Variants in PEX3 observed in about 807,000 individuals in gnomAD.
PEX3 encodes the protein peroxin-3.
Under a neutral mutation model 55.8 loss-of-function variants are expected in PEX3, and 30 were observed. That is an observed-to-expected ratio of 0.54 (90% CI 0.40 to 0.73). PEX3 has a LOEUF of 0.73. Ranked by LOEUF, PEX3 falls within the 30% of genes least tolerant of loss-of-function variation. The pLI is 0.00. For missense variants in PEX3, 351 were observed against 432.8 expected (o/e 0.81, Z 1.68); for synonymous variants, 135 against 148.4 (o/e 0.91, Z 0.66).
rs73780419 is a variant in PEX3, at chr6:143,485,373, T to G, written c.1038+125T>G. The G allele has an allele frequency of 6.3e-4, 449 of 713,234 alleles. 2 individuals carry two copies. Among genetic ancestry groups the G allele is most frequent in the African/African-American group, 6.3e-3 (361 of 57,620 alleles). The allele number at this position is 713,234 out of a possible 1,614,324, so 44.2% of individuals were successfully genotyped here. ...TTCAAAAAATCACAGAACTTGGAACTACATGTAGAGTATGGTAGAGTGTCC... is the reference window on the plus strand; with the variant it reads ...TTCAAAAAATCACAGAACTTGGAACGACATGTAGAGTATGGTAGAGTGTCC... On this transcript the variant is annotated intron_variant, in intron 11 of 11. Coordinates refer to ENST00000367591, the MANE Select transcript of PEX3 (RefSeq NM_003630.3). This position sits in a 1 kb window ranked among gnomAD's most constrained non-coding sequence, Gnocchi z 5.6.
chr6:143,479,313 T>C lies in PEX3; in HGVS notation c.941+115T>C. On this transcript the variant is annotated intron_variant, in intron 10 of 11. Coordinates refer to ENST00000367591, the MANE Select transcript of PEX3 (RefSeq NM_003630.3). This position sits in a 1 kb window ranked among gnomAD's most constrained non-coding sequence, Gnocchi z 4.6. ...CCTATTAAATTTGAGTGCCTCATTTTTTAACAAATTAAACTCTGTTAAACC... is the reference window on the plus strand; with the variant it reads ...CCTATTAAATTTGAGTGCCTCATTTCTTAACAAATTAAACTCTGTTAAACC... The C allele has an allele frequency of 1.3e-6, 1 of 783,062 alleles. No individual in the cohort carries two copies. Among genetic ancestry groups the C allele is most frequent in the African/African-American group, 1.7e-5 (1 of 58,130 alleles). The allele number at this position is 783,062 out of a possible 1,614,324, so 48.5% of individuals were successfully genotyped here.
intron 4 of PEX3, among the ~76,000 whole-genome samples, chr6:143,469,179 A>T (rs557840672): frequency 2.0e-5 from 3 of 152,192 alleles, no homozygotes; most frequent in South Asian, 2.1e-4. Flanking sequence ...ATAATCCTTT[A>T]GGTATATACC....
rs1021277352 is a variant in PEX3 at position 143,454,608 on chromosome 6, C to T, written c.73+3493C>T. Among the ~76,000 whole-genome samples the T allele has an allele frequency of 5.9e-5, 9 of 152,140 alleles. No homozygotes were observed. The highest frequency in any genetic ancestry group is 2.2e-4 in the African/African-American group (9 of 41,406). On this transcript the variant is annotated intron_variant, in intron 1 of 11. Coordinates refer to ENST00000367591, the MANE Select transcript of PEX3 (RefSeq NM_003630.3). The surrounding 1 kb of genome is among the most constrained non-coding windows in gnomAD (Gnocchi z 4.3). Reference sequence around the variant, plus strand: ...GAAATACAAAGGAATAAGACAGATCCTGACTTTGAACTCATGGTACAGAAA... The same window carrying T: ...GAAATACAAAGGAATAAGACAGATCTTGACTTTGAACTCATGGTACAGAAA...
rs185139198 is a variant in PEX3, at chr6:143,464,076, T to C, written c.287+1079T>C. ...AGACCTTCCTTCCTTCTTACAGATA[T>C]AAGGTTTAGCTTATAAATTAGTTCA... On this transcript the variant is annotated intron_variant, in intron 3 of 11. Coordinates refer to ENST00000367591, the MANE Select transcript of PEX3 (RefSeq NM_003630.3). The surrounding 1 kb of genome is among the most constrained non-coding windows in gnomAD (Gnocchi z 5.8). 1.2e-3 allele frequency among the ~76,000 whole-genome samples: 185 copies of C among 152,216 alleles called. No homozygotes were observed. Among genetic ancestry groups the C allele is most frequent in the African/African-American group, 4.3e-3 (178 of 41,562 alleles).
intron 9 of PEX3, among the ~76,000 whole-genome samples, chr6:143,478,024 A>G (rs1562656571): frequency 6.6e-6 from 1 of 152,190 alleles, no homozygotes; most frequent in Non-Finnish European, 1.5e-5. Context: ...GAAACAGTCC[A>G]GATTTCTATT....
Position 143,451,005 on chromosome 6 carries a change from C to A in PEX3, c.-38C>A. The A allele has an allele frequency of 6.9e-7, 1 of 1,448,836 alleles. No individual in the cohort carries two copies. The highest frequency in any genetic ancestry group is 9.7e-7 in the Non-Finnish European group (1 of 1,029,226). 89.7% of individuals were successfully genotyped at this position (1,448,836 alleles called of 1,614,324 possible). On this transcript the variant is annotated 5_prime_UTR_variant, in exon 1 of 12. Coordinates refer to ENST00000367591, the MANE Select transcript of PEX3 (RefSeq NM_003630.3). The surrounding 1 kb of genome is among the most constrained non-coding windows in gnomAD (Gnocchi z 4.1). Reference sequence around the variant, plus strand: ...GAAACAGTTTCCTGGTGAAGCAGTCCCTCACCCCTAGTCAGCCCACACCCC... The same window carrying A: ...GAAACAGTTTCCTGGTGAAGCAGTCACTCACCCCTAGTCAGCCCACACCCC...
rs1780001483 is a variant in PEX3 at position 143,466,991 on chromosome 6, A to G, written c.288-1131A>G. Among the ~76,000 whole-genome samples, 1 of 152,028 alleles carries G rather than the reference A, an allele frequency of 6.6e-6. No individual in the cohort carries two copies. The highest frequency in any genetic ancestry group is 1.5e-5 in the Non-Finnish European group (1 of 67,924). On this transcript the variant is annotated intron_variant, in intron 3 of 11. Transcript: ENST00000367591. The surrounding 1 kb of genome is among the most constrained non-coding windows in gnomAD (Gnocchi z 5.4). ...AATGTCCAAAAATATATAGTACCATAAATCAAATTAACCTAAATATGATTC... is the reference window on the plus strand; with the variant it reads ...AATGTCCAAAAATATATAGTACCATGAATCAAATTAACCTAAATATGATTC...
At chr6:143,469,628 C>T (rs1780043073) in intron 4 of PEX3, among the ~76,000 whole-genome samples, 1 of 152,018 alleles carries the variant, frequency 6.6e-6, no homozygotes, top group Non-Finnish European at 1.5e-5. Context: ...CTGTAGGTTG[C>T]CTGTTCACTC....
intron 1 of PEX3, among the ~76,000 whole-genome samples, chr6:143,457,894 T>G (rs1183611820): frequency 2.6e-5 from 4 of 152,220 alleles, no homozygotes; most frequent in Non-Finnish European, 4.4e-5. Flanking sequence ...GGCTACCTGG[T>G]TAACTCAGTT....
Position 143,485,064 on chromosome 6 carries a change from C to A in PEX3, c.942-88C>A. The A allele has an allele frequency of 1.3e-6, 1 of 782,756 alleles. No individual in the cohort carries two copies. The allele number at this position is 782,756 out of a possible 1,614,324, so 48.5% of individuals were successfully genotyped here. A position where few individuals can be genotyped will look rare whatever the true frequency, so the allele number is the denominator to read the frequency against. ...TTAATAGATTTCCAAAAATATTCTA[C>A]AATGGCTATGTATTACTTTTATAAT... is the stretch of plus-strand genomic sequence containing the variant. On this transcript the variant is annotated intron_variant, in intron 10 of 11. Transcript: ENST00000367591. The surrounding 1 kb of genome is among the most constrained non-coding windows in gnomAD (Gnocchi z 5.6).
At chr6:143,474,986 C>T (rs980503495) in intron 9 of PEX3, 130 bp downstream of exon 9, 3 of 551,772 alleles carry the variant, frequency 5.4e-6, no homozygotes, top group African/African-American at 3.8e-5. Context: ...ACTCTGTTCC[C>T]CAGCCTTTAG....
intron 1 of PEX3, among the ~76,000 whole-genome samples, chr6:143,456,522 A>G (rs1307545014): frequency 6.6e-6 from 1 of 152,186 alleles, no homozygotes; most frequent in Non-Finnish European, 1.5e-5. Flanking sequence ...ACAATCCTGA[A>G]ATTTAGAAGT....
rs2128745777 is a variant in PEX3, at chr6:143,462,199, G to A, written c.206-717G>A. On this transcript the variant is annotated intron_variant, in intron 2 of 11. Coordinates refer to ENST00000367591, the MANE Select transcript of PEX3 (RefSeq NM_003630.3). This position sits in a 1 kb window ranked among gnomAD's most constrained non-coding sequence, Gnocchi z 4.1. ...CATTTCATCTTCACATTATTCCTGG[G>A]AGTAAGAAACAATAACAAACAACAG... is the stretch of plus-strand genomic sequence containing the variant. Among the ~76,000 whole-genome samples, 1 of 152,100 alleles carries A rather than the reference G, an allele frequency of 6.6e-6. No homozygotes were observed. The highest frequency in any genetic ancestry group is 1.9e-4 in the East Asian group (1 of 5,174).
chr6:143,470,314 C>A (rs1482641359), intron 4 of PEX3, among the ~76,000 whole-genome samples: 1 of 152,148 alleles, frequency 6.6e-6, no homozygotes, highest in East Asian at 1.9e-4. Context: ...CTCCCTCACG[C>A]TTTGATGTAC....
chr6:143,469,480 A>G (rs1472585178), intron 4 of PEX3, among the ~76,000 whole-genome samples: 3 of 152,186 alleles, frequency 2.0e-5, no homozygotes, highest in African/African-American at 7.2e-5. Flanking sequence ...TCTGCTTTTG[A>G]GAAGTGTCTG....
At chr6:143,468,832 A>C (rs1780030950) in intron 4 of PEX3, among the ~76,000 whole-genome samples, 1 of 73,622 alleles carries the variant, frequency 1.4e-5, no homozygotes, top group African/African-American at 5.8e-5. Context: ...GACAGGCCCC[A>C]GTGTCGACAG....
Position 143,471,721 on chromosome 6 carries a change from CTT to C in PEX3, c.578+112_578+113del. 1.2e-6 allele frequency: 1 copy of C among 822,150 alleles called. No homozygotes were observed. The highest frequency in any genetic ancestry group is 1.4e-5 in the South Asian group (1 of 72,504). 50.9% of individuals were successfully genotyped at this position (822,150 alleles called of 1,614,324 possible). A position where few individuals can be genotyped will look rare whatever the true frequency, so the allele number is the denominator to read the frequency against. ...TTGACAAACGGTGATTTGTGAAACTCTTTGTAATAAAATCAGATACCATCCTA... is the reference window on the plus strand; with the variant it reads ...TTGACAAACGGTGATTTGTGAAACTCTGTAATAAAATCAGATACCATCCTA... On this transcript the variant is annotated intron_variant, in intron 7 of 11. Transcript: ENST00000367591. This position sits in a 1 kb window ranked among gnomAD's most constrained non-coding sequence, Gnocchi z 5.4.
intron 8 of PEX3, among the ~76,000 whole-genome samples, chr6:143,474,114 G>T (rs1288743129): frequency 6.6e-6 from 1 of 151,962 alleles, no homozygotes; most frequent in Non-Finnish European, 1.5e-5. Flanking sequence ...CTGGATGACA[G>T]AGTGAGACCC....
chr6:143,468,248 C>A, intron 4 of PEX3, 83 bp downstream of exon 4: 1 of 869,006 alleles, frequency 1.2e-6, no homozygotes, highest in Non-Finnish European at 1.9e-6. Flanking sequence ...GATGACTCTT[C>A]TTTACCTGCC....
Sources: gnomAD v4.1 joint callset for allele counts (sites outside exome capture counted in the v4.1 genomes callset) on GRCh38, gnomAD v4.1.1 for gene constraint, Gnocchi (gnomAD v3.1) non-coding constraint, MANE v1.5 for transcripts, NCBI Gene and HGNC (gene_info 2026-07-23, HGNC 2026-07-21) for gene names.